Variants in ZBTB16 observed in about 807,000 individuals in gnomAD.
The protein encoded by ZBTB16 is zinc finger and BTB domain-containing protein 16.
Under a neutral mutation model 56.8 loss-of-function variants are expected in ZBTB16, and 8 were observed. That is an observed-to-expected ratio of 0.14 (90% CI 0.08 to 0.25). The LOEUF (loss-of-function observed/expected upper bound fraction) is 0.25, where lower values mean the gene tolerates loss of function less well. Among genes scored for constraint, ZBTB16 ranks in the 10% least tolerant of loss-of-function variants. The pLI is 1.00. For missense variants in ZBTB16, 625 were observed against 903.0 expected (o/e 0.69, Z 3.95); for synonymous variants, 363 against 368.5 (o/e 0.98, Z 0.17).
chr11:114,182,884 T>C (rs183627388), intron 3 of ZBTB16, among the ~76,000 whole-genome samples: 189 of 152,366 alleles, frequency 1.2e-3, no homozygotes, highest in African/African-American at 4.3e-3. Flanking sequence ...GACTGTCTTA[T>C]TGATTAACAG....
At chr11:114,167,216 GTTTTTTTTTTTTTTGGTTTTT>G (rs1221367005) in intron 3 of ZBTB16, among the ~76,000 whole-genome samples, 18 of 79,968 alleles carry the variant, frequency 2.3e-4, no homozygotes, top group South Asian at 5.6e-4. Flanking sequence ...TGGATTTGTG[GTTTTTTTTTTTTTTGGTTTTT>G]TTTTTTTTTT....
chr11:114,159,928 C>CGGGGGAGGCGG (rs1229324373), intron 3 of ZBTB16, among the ~76,000 whole-genome samples: 1 of 49,006 alleles, frequency 2.0e-5, no homozygotes, highest in South Asian at 5.8e-4. Flanking sequence ...GAACCCTGGG[C>CGGGGGAGGCGG]GGGGGAGGCG....
Position 114,063,492 on chromosome 11 carries a change from C to T in ZBTB16, c.192C>T (p.His64=), listed in dbSNP as rs764601942. The T allele has an allele frequency of 9.9e-6, 16 of 1,614,118 alleles. No individual in the cohort carries two copies. The South Asian group carries it at 1.8e-4, about 18-fold the overall frequency. The change falls in exon 2 of 7, where the codon CAC becomes CAT. Residue 64 remains histidine, a synonymous_variant. Transcript: ENST00000335953. The surrounding 1 kb of genome is among the most constrained non-coding windows in gnomAD (Gnocchi z 6.5). ...CTSKMFEILF[H]RNSQHYTLDF... ...GCAAGATGTTTGAGATCCTCTTCCA[C>T]CGCAATAGTCAACACTATACTTTGG...
chr11:114,183,330 G>A (rs559304550), intron 3 of ZBTB16, among the ~76,000 whole-genome samples: 9 of 152,270 alleles, frequency 5.9e-5, no homozygotes, highest in South Asian at 2.1e-4. Context: ...GGCTTGGGCC[G>A]AGGCAGCCGC....
intron 4 of ZBTB16, among the ~76,000 whole-genome samples, chr11:114,227,845 T>C (rs998336319): frequency 6.6e-6 from 1 of 152,268 alleles, no homozygotes; most frequent in Non-Finnish European, 1.5e-5. Context: ...TTTAATTTTT[T>C]AATTTTGGTA....
At chr11:114,085,939 G>A (rs1939942785) in intron 2 of ZBTB16, among the ~76,000 whole-genome samples, 1 of 152,144 alleles carries the variant, frequency 6.6e-6, no homozygotes, top group East Asian at 1.9e-4. Flanking sequence ...AACTGGGGAG[G>A]GTGTGAGACC....
intron 2 of ZBTB16, among the ~76,000 whole-genome samples, chr11:114,066,376 G>T (rs562215209): frequency 2.7e-4 from 41 of 152,318 alleles, no homozygotes; most frequent in Non-Finnish European, 5.1e-4. Context: ...GTACCGCTCA[G>T]AAATAGACTG....
At chr11:114,158,001 C>T (rs1942471056) in intron 3 of ZBTB16, among the ~76,000 whole-genome samples, 1 of 152,050 alleles carries the variant, frequency 6.6e-6, no homozygotes. Flanking sequence ...CACTCACGTA[C>T]ACTTTTTCTT....
At chr11:114,076,769 G>A (rs1271176699) in intron 2 of ZBTB16, among the ~76,000 whole-genome samples, 1 of 152,148 alleles carries the variant, frequency 6.6e-6, no homozygotes, top group Non-Finnish European at 1.5e-5. Flanking sequence ...TGTCAGGGAT[G>A]CAGACCTATA....
intron 2 of ZBTB16, among the ~76,000 whole-genome samples, chr11:114,145,024 A>G (rs1344640500): frequency 1.3e-5 from 2 of 152,232 alleles, no homozygotes; most frequent in Non-Finnish European, 1.5e-5. Flanking sequence ...TATAAATAGC[A>G]TTCTTTGGGG....
At chr11:114,233,658 C>CAA (rs1944504044) in intron 4 of ZBTB16, among the ~76,000 whole-genome samples, 1 of 150,738 alleles carries the variant, frequency 6.6e-6, no homozygotes, top group African/African-American at 2.4e-5. Context: ...TTTTCTTGTC[C>CAA]CCCTCCCTCA....
chr11:114,065,509 C>T (rs1009620584), intron 2 of ZBTB16, among the ~76,000 whole-genome samples: 14 of 152,244 alleles, frequency 9.2e-5, no homozygotes, highest in Admixed American at 2.0e-4. Flanking sequence ...CTCTGCATCC[C>T]GGGTTAAGGT....
At chr11:114,218,791 T>A (rs1341585079) in intron 4 of ZBTB16, among the ~76,000 whole-genome samples, 3 of 152,162 alleles carry the variant, frequency 2.0e-5, no homozygotes, top group Non-Finnish European at 2.9e-5. Context: ...ACTGTAAAAA[T>A]TAAAAAGCAA....
chr11:114,185,234 C>T (rs569871401), intron 3 of ZBTB16, among the ~76,000 whole-genome samples: 13 of 152,116 alleles, frequency 8.5e-5, no homozygotes, highest in African/African-American at 2.7e-4. Flanking sequence ...AACAACAAAG[C>T]GCTAAGACGT....
chr11:114,160,047 G>T (rs903628242), intron 3 of ZBTB16, among the ~76,000 whole-genome samples: 14 of 151,970 alleles, frequency 9.2e-5, no homozygotes, highest in African/African-American at 3.1e-4. Flanking sequence ...CCTTGCACTG[G>T]CACATTCCTG....
intron 2 of ZBTB16, among the ~76,000 whole-genome samples, chr11:114,080,892 G>A (rs1939733995): frequency 6.6e-6 from 1 of 152,194 alleles, no homozygotes; most frequent in Non-Finnish European, 1.5e-5. Context: ...TGTTGAGGAA[G>A]GCACTCTCCA....
chr11:114,086,117 G>A (rs1939949310), intron 2 of ZBTB16, among the ~76,000 whole-genome samples: 1 of 152,134 alleles, frequency 6.6e-6, no homozygotes, highest in Non-Finnish European at 1.5e-5. Context: ...TGCTGAATGG[G>A]GCATTAGGCT....
chr11:114,074,245 A>T (rs538345737), intron 2 of ZBTB16, among the ~76,000 whole-genome samples: 1 of 152,348 alleles, frequency 6.6e-6, no homozygotes, highest in East Asian at 1.9e-4. Context: ...TAAGTGGATT[A>T]GCTCAGCGTT....
rs1200620283 is a variant in ZBTB16 at position 114,064,360 on chromosome 11, T to G, written c.1060T>G (p.Ser354Ala). The G allele has an allele frequency of 6.2e-7, 1 of 1,613,914 alleles. No individual in the cohort carries two copies. The highest frequency in any genetic ancestry group is 8.5e-7 in the Non-Finnish European group (1 of 1,180,038). ...ATTGAGCATGCCGTCTTCCGTGACC[T>G]CTGGCCTCCACGTGCAGCCTGCCCT... Reference protein sequence around the residue: ...AVLSMPSSVTSGLHVQPALAV... With the variant: ...AVLSMPSSVTAGLHVQPALAV... Residue 354 changes from serine to alanine, a missense_variant, in exon 2 of 7, where the codon TCT becomes GCT. Around this residue, in one of 6 missense-constraint regions of ZBTB16, gnomAD observed 384 missense variants for 393.5 expected, o/e 0.98. Transcript: ENST00000335953. This position sits in a 1 kb window ranked among gnomAD's most constrained non-coding sequence, Gnocchi z 4.2.
Sources: allele counts gnomAD v4.1 joint callset (sites outside exome capture counted in the v4.1 genomes callset), GRCh38; gene constraint gnomAD v4.1.1; regional missense constraint gnomAD v4.1.1; non-coding constraint Gnocchi (gnomAD v3.1); transcripts MANE v1.5; gene names NCBI Gene and HGNC (gene_info 2026-07-23, HGNC 2026-07-21).